Variants in ZFAT observed in about 807,000 individuals in gnomAD.
ZFAT encodes zinc finger and AT-hook domain containing.
A neutral mutation model predicts 117.7 loss-of-function variants in ZFAT; 64 were observed. The ratio of observed to expected loss-of-function variants is 0.54; its 90% CI spans 0.44 to 0.67. The LOEUF (loss-of-function observed/expected upper bound fraction) is 0.67. Ranked by LOEUF, ZFAT falls within the 30% of genes least tolerant of loss-of-function variation. The pLI, the probability that ZFAT is intolerant of heterozygous loss-of-function variation, is 0.00. For missense variants in ZFAT, 1,433 were observed against 1,584.5 expected, an observed-to-expected ratio of 0.90 and a Z score of 1.62; for synonymous variants, 679 against 615.0, an observed-to-expected ratio of 1.10 and a Z score of -1.54.
the ZFAT span, among the ~76,000 whole-genome samples, chr8:134,740,583 C>A: frequency 9.6e-3 from 1,463 of 152,162 alleles, 6 homozygotes; most frequent in Middle Eastern, 0.017. Context: ...TGTCCACAAG[C>A]AAAATAAGTG....
chr8:134,692,425 G>A (rs1833627655), intron 1 of ZFAT, among the ~76,000 whole-genome samples: 1 of 152,190 alleles, frequency 6.6e-6, no homozygotes, highest in African/African-American at 2.4e-5. Flanking sequence ...CTACCTCAAT[G>A]GGGCAAGTCC....
intron 11 of ZFAT, among the ~76,000 whole-genome samples, chr8:134,556,746 C>T (rs900260699): frequency 6.6e-6 from 1 of 152,130 alleles, no homozygotes; most frequent in Admixed American, 6.5e-5. Flanking sequence ...AGACAAAAAT[C>T]GAGAGAATTT....
chr8:134,484,243 C>A (rs1009054086), intron 15 of ZFAT, among the ~76,000 whole-genome samples: 2 of 152,208 alleles, frequency 1.3e-5, no homozygotes, highest in Non-Finnish European at 2.9e-5. Flanking sequence ...TCCTCTGTGC[C>A]CAGTCCAGTG....
At chr8:134,509,905 A>G (rs1819688965) in intron 14 of ZFAT, among the ~76,000 whole-genome samples, 156 bp from the exon 15 acceptor site, 1 of 152,194 alleles carries the variant, frequency 6.6e-6, no homozygotes. Flanking sequence ...AATAATCTGT[A>G]TAGTGCTTTA....
chr8:134,742,271 C>T, the ZFAT span, among the ~76,000 whole-genome samples: 2 of 151,938 alleles, frequency 1.3e-5, no homozygotes, highest in African/African-American at 2.4e-5. Flanking sequence ...CCTATCAACC[C>T]GTCATCTAGG....
intron 11 of ZFAT, among the ~76,000 whole-genome samples, chr8:134,544,621 GA>G (rs1179107772): frequency 4.0e-5 from 6 of 151,752 alleles, no homozygotes; most frequent in Non-Finnish European, 8.8e-5. Context: ...ACAGAAAAAT[GA>G]AAAAATAGTT....
chr8:134,599,281 T>G lies in ZFAT; in HGVS notation c.2475+1155A>C, dbSNP rs549260890. The G allele has an allele frequency of 6.5e-5, 10 of 152,964 alleles. No individual in the cohort carries two copies. The South Asian group carries it at 2.1e-3, about 32-fold the overall frequency. The allele number at this position is 152,964 out of a possible 1,614,324, so 9.5% of individuals were successfully genotyped here. A position where few individuals can be genotyped will look rare whatever the true frequency, so the allele number is the denominator to read the frequency against. ...CATGACAAGGACTGTGCCAAGTTCT[T>G]TAGAGTACTGTACATATGTGTGTGT... On this transcript the variant is annotated intron_variant, in intron 7 of 15. Coordinates refer to ENST00000377838, the MANE Select transcript of ZFAT (RefSeq NM_020863.4).
At chr8:134,590,421 C>G in intron 7 of ZFAT, 66 bp from the exon 8 acceptor site, 1 of 1,337,224 alleles carries the variant, frequency 7.5e-7, no homozygotes, top group Non-Finnish European at 1.1e-6. Context: ...AAAAAATAAC[C>G]ATCATCATCA....
At chr8:134,825,278 A>G in the ZFAT span, among the ~76,000 whole-genome samples, 2 of 152,350 alleles carry the variant, frequency 1.3e-5, no homozygotes, top group South Asian at 2.1e-4. Context: ...GATTAGCTCA[A>G]CATGTTTTAG....
chr8:134,815,724 T>C, the ZFAT span, among the ~76,000 whole-genome samples: 1 of 152,130 alleles, frequency 6.6e-6, no homozygotes, highest in African/African-American at 2.4e-5. Flanking sequence ...CCAGGAAACT[T>C]TTTCACTCAG....
chr8:134,696,671 G>C (rs1409206640), intron 1 of ZFAT: 1 of 935,352 alleles, frequency 1.1e-6, no homozygotes, highest in Admixed American at 6.2e-5. Context: ...CGCCACAGAG[G>C]CTCTGATTGG....
At chr8:134,484,842 C>T (rs1817556540) in intron 15 of ZFAT, among the ~76,000 whole-genome samples, 1 of 152,194 alleles carries the variant, frequency 6.6e-6, no homozygotes, top group Non-Finnish European at 1.5e-5. Context: ...GTCACCCAGG[C>T]TGGAGTACAG....
At chr8:134,517,900 T>C (rs1380946564) in intron 13 of ZFAT, among the ~76,000 whole-genome samples, 1 of 152,214 alleles carries the variant, frequency 6.6e-6, no homozygotes, top group African/African-American at 2.4e-5. Context: ...GATCACATGG[T>C]ATCAGGTCAC....
rs936117088 is a variant in ZFAT, at chr8:134,660,431, TCA to T, written c.20-2696_20-2695del. ...CATATCAACTTCAACTGTGTTCATT[TCA>T]GTGTCCATTGAGCAGTAACCACAGG... On this transcript the variant is annotated intron_variant, in intron 1 of 15. Transcript: ENST00000377838. 1.5e-4 allele frequency among the ~76,000 whole-genome samples: 23 copies of T among 152,254 alleles called. 1 individual carries two copies. Among genetic ancestry groups the T allele is most frequent in the Admixed American group, 6.5e-5 (1 of 15,292 alleles).
At chr8:134,495,262 C>T (rs1818348875) in intron 15 of ZFAT, among the ~76,000 whole-genome samples, 1 of 152,162 alleles carries the variant, frequency 6.6e-6, no homozygotes, top group African/African-American at 2.4e-5. Context: ...GTGCGGGCCC[C>T]TCTTCCAAGG....
At chr8:134,497,010 T>C (rs1329838323) in intron 15 of ZFAT, among the ~76,000 whole-genome samples, 3 of 152,324 alleles carry the variant, frequency 2.0e-5, no homozygotes, top group East Asian at 3.9e-4. Context: ...TCGTGCTCCT[T>C]CTTGGAGTGT....
At chr8:134,487,420 G>T (rs557679576) in intron 15 of ZFAT, among the ~76,000 whole-genome samples, 1 of 152,112 alleles carries the variant, frequency 6.6e-6, no homozygotes, top group Non-Finnish European at 1.5e-5. Context: ...GATTCCCATC[G>T]CATCCCTTTG....
At chr8:134,527,714 C>T (rs930479548) in intron 12 of ZFAT, among the ~76,000 whole-genome samples, 1 of 152,178 alleles carries the variant, frequency 6.6e-6, no homozygotes, top group Non-Finnish European at 1.5e-5. Flanking sequence ...CCCCTCTTCC[C>T]ACAGGATCCT....
chr8:134,478,652 C>T lies in ZFAT; in HGVS notation c.3562G>A (p.Glu1188Lys). 1 of 1,583,324 alleles carries T rather than the reference C, an allele frequency of 6.3e-7. No homozygotes were observed. Among genetic ancestry groups the T allele is most frequent in the Non-Finnish European group, 8.6e-7 (1 of 1,165,310 alleles). The change falls in exon 16 of 16, where the codon GAG becomes AAG. Residue 1188 changes from glutamate (E) to lysine (K), a missense_variant. Physicochemically the swap from Glu to Lys is moderately conservative, Grantham distance 56. Coordinates refer to ENST00000377838, the MANE Select transcript of ZFAT (RefSeq NM_020863.4). The surrounding 1 kb of genome is among the most constrained non-coding windows in gnomAD (Gnocchi z 5.2). ...IQETVQQASV[E>K]LAEQHHLVVS... ...ACCAGGTGGTGCTGCTCGGCAAGCT[C>T]CACGGACGCTTGCTGGACCGTCTCC...
Sources: allele counts gnomAD v4.1 joint callset (sites outside exome capture counted in the v4.1 genomes callset), GRCh38; gene constraint gnomAD v4.1.1; non-coding constraint Gnocchi (gnomAD v3.1); transcripts MANE v1.5; gene names NCBI Gene and HGNC (gene_info 2026-07-23, HGNC 2026-07-21).